SPATA24: variants seen among roughly 807,000 people sequenced by gnomAD.
SPATA24 encodes the protein spermatogenesis-associated protein 24.
Under a neutral mutation model 28.9 loss-of-function variants are expected in SPATA24, and 21 were observed. The ratio of observed to expected loss-of-function variants is 0.73; its 90% CI spans 0.52 to 1.05. The LOEUF is 1.05. SPATA24 is among the 50% of genes least tolerant of loss of function. SPATA24 has a pLI of 0.00. For synonymous variants in SPATA24, 76 were observed against 89.9 expected (o/e 0.85, Z 0.88); for missense variants, 215 against 242.9 (o/e 0.88, Z 0.76).
Position 139,397,697 on chromosome 5 carries a change from G to T in SPATA24, c.386-554C>A, listed in dbSNP as rs190183193. On this transcript the variant is annotated intron_variant, in intron 4 of 5. Coordinates refer to ENST00000450845, the MANE Select transcript of SPATA24 (RefSeq NM_194296.2). ...AGCCTCCCGAGTAGCTGGGATTACAGGCGCCTGCCACCACGCCCAGCTAAT... is the reference window on the plus strand; with the variant it reads ...AGCCTCCCGAGTAGCTGGGATTACATGCGCCTGCCACCACGCCCAGCTAAT... Among the ~76,000 whole-genome samples, 1,151 of 152,184 alleles carry T rather than the reference G, an allele frequency of 7.6e-3. 44 individuals are homozygous for T. The highest frequency in any genetic ancestry group is 0.068 in the Admixed American group (1,033 of 15,290).
downstream of SPATA24, chr5:139,396,291 G>T (rs1174899618): frequency 2.0e-6 from 2 of 985,250 alleles, no homozygotes; most frequent in African/African-American, 3.5e-5. Flanking sequence ...TGTGCAAATT[G>T]AGGTCCCTTC....
chr5:139,394,980 G>A (rs1372298077), downstream of SPATA24: 10 of 1,510,432 alleles, frequency 6.6e-6, no homozygotes, highest in Non-Finnish European at 8.0e-6. Flanking sequence ...GAGCCGTGTA[G>A]TAGGAGCCTG....
Position 139,402,705 on chromosome 5 carries a change from C to CAT in SPATA24, c.118-13_118-12insAT. On this transcript the variant is annotated splice_polypyrimidine_tract_variant and intron_variant, in intron 1 of 5. Coordinates refer to ENST00000450845, the MANE Select transcript of SPATA24 (RefSeq NM_194296.2). ...TCCTGGAGAACCATCTGCAACAGAG[C>CAT]CTGGCTGAGGGAGGGCCTGGGGCTG... 6.4e-7 allele frequency: 1 copy of CAT among 1,551,524 alleles called. No individual in the cohort carries two copies. The highest frequency in any genetic ancestry group is 2.4e-5 in the East Asian group (1 of 40,916).
At chr5:139,402,357 G>A (rs1485403708) in intron 2 of SPATA24, among the ~76,000 whole-genome samples, 1 of 151,760 alleles carries the variant, frequency 6.6e-6, no homozygotes, top group Non-Finnish European at 1.5e-5. Context: ...TGGGATTACA[G>A]GCGCCTGCCA....
chr5:139,402,397 GTATA>G (rs142159727), intron 2 of SPATA24, among the ~76,000 whole-genome samples: 1 of 150,258 alleles, frequency 6.7e-6, no homozygotes, highest in Non-Finnish European at 1.5e-5. Context: ...ATATATATAT[GTATA>G]TATATATTTT....
At chr5:139,395,260 C>G (rs2152077276), downstream of SPATA24, 2 of 523,482 alleles carry the variant, frequency 3.8e-6, no homozygotes, top group Non-Finnish European at 6.1e-6. Flanking sequence ...CCTTCCCTGT[C>G]CAGCCCCCAT....
downstream of SPATA24, chr5:139,392,744 C>T (rs931689220): frequency 1.4e-6 from 2 of 1,420,260 alleles, no homozygotes; most frequent in African/African-American, 1.5e-5. This position sits in a 1 kb window ranked among gnomAD's most constrained non-coding sequence, Gnocchi z 5.8. Context: ...CGGGCGCCGC[C>T]TAGAGGGCTG....
chr5:139,396,583 G>A (rs532970792), downstream of SPATA24: 19 of 1,381,470 alleles, frequency 1.4e-5, no homozygotes, highest in Admixed American at 5.9e-5. Context: ...AACCAGGGCT[G>A]TTTATATAGG....
chr5:139,397,221 G>T, intron 4 of SPATA24, 78 bp from the exon 5 acceptor site: 2 of 1,134,068 alleles, frequency 1.8e-6, no homozygotes, highest in Non-Finnish European at 2.6e-6. Context: ...TCCCTCACGG[G>T]GCTTTTCAGA....
chr5:139,396,630 CCAGACAA>C, downstream of SPATA24: 39 of 1,476,560 alleles, frequency 2.6e-5, no homozygotes, highest in Non-Finnish European at 3.5e-5. Flanking sequence ...GTGGTGCCTA[CCAGACAA>C]CAAAGACCCA....
chr5:139,393,520 G>A (rs1206024562), downstream of SPATA24: 1 of 1,551,322 alleles, frequency 6.4e-7, no homozygotes, highest in Non-Finnish European at 8.7e-7. Context: ...GGGATCCCAT[G>A]TCTCTTGGGG....
At chr5:139,392,671 G>A, downstream of SPATA24, 1 of 1,401,026 alleles carries the variant, frequency 7.1e-7, no homozygotes, top group Non-Finnish European at 9.3e-7. This position sits in a 1 kb window ranked among gnomAD's most constrained non-coding sequence, Gnocchi z 5.8. Flanking sequence ...TTGCATCTGA[G>A]GGGAGCCGGG....
At chr5:139,401,491 A>G in intron 4 of SPATA24, 2 of 626,292 alleles carry the variant, frequency 3.2e-6, no homozygotes, top group South Asian at 3.7e-5. Context: ...AGGTGGACTA[A>G]GAAGGTTGTA....
At chr5:139,396,717 A>G, downstream of SPATA24, 1 of 1,549,412 alleles carries the variant, frequency 6.5e-7, no homozygotes, top group Non-Finnish European at 8.7e-7. Flanking sequence ...GGGAAGTAGC[A>G]GGGGCTAGAG....
rs1333490030 is a variant in SPATA24 at position 139,403,907 on chromosome 5, C to G, written c.117+37G>C. 6 of 1,518,624 alleles carry G rather than the reference C, an allele frequency of 4.0e-6. No individual in the cohort carries two copies. The African/African-American group carries it at 8.3e-5, about 21-fold the overall frequency. 94.1% of individuals were successfully genotyped at this position (1,518,624 alleles called of 1,614,324 possible). A position where few individuals can be genotyped will look rare whatever the true frequency, so the allele number is the denominator to read the frequency against. ...GCCCCGCCCCCACCAGTGAGGCATC[C>G]GGCCCCGCCTCTCCCCAAACTCCTC... On this transcript the variant is annotated intron_variant, in intron 1 of 5. Coordinates refer to ENST00000450845, the MANE Select transcript of SPATA24 (RefSeq NM_194296.2).
chr5:139,397,368 G>T (rs1758733139), intron 4 of SPATA24, among the ~76,000 whole-genome samples: 1 of 152,154 alleles, frequency 6.6e-6, no homozygotes, highest in African/African-American at 2.4e-5. Context: ...CTGGACCAGA[G>T]GACCCACATG....
Position 139,397,110 on chromosome 5 carries a change from A to G in SPATA24, c.419T>C (p.Ile140Thr), listed in dbSNP as rs774134135. ...AATCTCATTCTCTTTGCCATTAAGTATATCTTCTTGCTTTATAATGTGAGA... is the reference window on the plus strand; with the variant it reads ...AATCTCATTCTCTTTGCCATTAAGTGTATCTTCTTGCTTTATAATGTGAGA... ...IESHIIKQED[I>T]LNGKENEIKE... The change falls in exon 5 of 6, where the codon ATA becomes ACA. Residue 140 changes from isoleucine (I) to threonine (T), a missense_variant. Coordinates refer to ENST00000450845, the MANE Select transcript of SPATA24 (RefSeq NM_194296.2). 2.7e-5 allele frequency: 42 copies of G among 1,552,048 alleles called. No individual in the cohort carries two copies. Among genetic ancestry groups the G allele is most frequent in the Non-Finnish European group, 3.1e-5 (35 of 1,147,078 alleles).
At position 139,396,798 on chromosome 5, in the gene SPATA24, T is replaced by C. The variant is rs1232437727; in HGVS notation, c.*2A>G. ...CCAGAGAACAGGAAAGCGGCGGCCA[T>C]TTTATTTTTCCCTGGGATGCTGGTG... On this transcript the variant is annotated 3_prime_UTR_variant, in exon 6 of 6. Transcript: ENST00000450845. 6 of 1,551,482 alleles carry C rather than the reference T, an allele frequency of 3.9e-6. No homozygotes were observed. In the East Asian group the frequency reaches 7.3e-5, roughly 19 times the overall value.
At chr5:139,394,437 C>G, downstream of SPATA24, 1 of 1,395,692 alleles carries the variant, frequency 7.2e-7, no homozygotes. Context: ...GACTCTGGGG[C>G]CGGGGGCGCA....
Sources: gnomAD v4.1 joint callset for allele counts (sites outside exome capture counted in the v4.1 genomes callset) on GRCh38, gnomAD v4.1.1 for gene constraint, Gnocchi (gnomAD v3.1) non-coding constraint, MANE v1.5 for transcripts, NCBI Gene and HGNC (gene_info 2026-07-23, HGNC 2026-07-21) for gene names.